The following DEPTOR variants were observed in gnomAD, a reference collection of about 807,000 sequenced individuals.
DEPTOR encodes the protein DEP domain containing MTOR interacting protein.
In DEPTOR, 41 loss-of-function variants were observed where a neutral mutation model predicts 41.6. That is an observed-to-expected ratio of 0.98 (90% confidence interval 0.77 to 1.28). The LOEUF (loss-of-function observed/expected upper bound fraction) is 1.28, where lower values mean the gene tolerates loss of function less well. DEPTOR is among the 50% of genes most tolerant of loss of function. DEPTOR has a pLI of 0.00. For synonymous variants in DEPTOR, 195 were observed against 192.3 expected, an observed-to-expected ratio of 1.01 and a Z score of -0.12; for missense variants, 514 against 527.9, an observed-to-expected ratio of 0.97 and a Z score of 0.26.
At chr8:120,029,165 G>T (rs1367826765) in intron 8 of DEPTOR, among the ~76,000 whole-genome samples, 1 of 151,836 alleles carries the variant, frequency 6.6e-6, no homozygotes, top group Non-Finnish European at 1.5e-5. Flanking sequence ...CACCTGGCCC[G>T]TCTAACTGCC....
chr8:119,982,749 A>G (rs1828783940), intron 4 of DEPTOR, among the ~76,000 whole-genome samples: 2 of 152,302 alleles, frequency 1.3e-5, no homozygotes, highest in Middle Eastern at 6.8e-3. Flanking sequence ...AGAACAGGGA[A>G]TGGCAAAGAG....
chr8:120,015,937 T>C (rs966805623), intron 8 of DEPTOR, among the ~76,000 whole-genome samples: 2 of 152,162 alleles, frequency 1.3e-5, no homozygotes, highest in African/African-American at 2.4e-5. Context: ...GGGGCGGCCA[T>C]GTTGCCAGGA....
At chr8:119,884,003 C>T (rs1354552911) in intron 1 of DEPTOR, among the ~76,000 whole-genome samples, 1 of 152,196 alleles carries the variant, frequency 6.6e-6, no homozygotes, top group Admixed American at 6.5e-5. Context: ...GTATAAGAAA[C>T]AAATGAACAT....
intron 3 of DEPTOR, among the ~76,000 whole-genome samples, chr8:119,958,603 A>C (rs1828448555): frequency 6.6e-6 from 1 of 151,988 alleles, no homozygotes; most frequent in Non-Finnish European, 1.5e-5. Context: ...ACAACACGGT[A>C]AAATCCCATC....
intron 8 of DEPTOR, among the ~76,000 whole-genome samples, chr8:120,044,545 G>T (rs1210986971): frequency 4.6e-5 from 7 of 152,194 alleles, no homozygotes; most frequent in Non-Finnish European, 1.0e-4. Context: ...GACAGAGTCT[G>T]ACTGGCCAAG....
At chr8:119,949,468 G>A (rs1828325554) in intron 3 of DEPTOR, among the ~76,000 whole-genome samples, 1 of 152,156 alleles carries the variant, frequency 6.6e-6, no homozygotes, top group Admixed American at 6.6e-5. Context: ...TGAAGTGCCT[G>A]CACCATTTCA....
intron 3 of DEPTOR, among the ~76,000 whole-genome samples, chr8:119,935,720 C>CAAA (rs1263437669): frequency 8.3e-4 from 93 of 111,752 alleles, no homozygotes; most frequent in African/African-American, 3.0e-3. Flanking sequence ...GACTCCATCT[C>CAAA]AAAAAAAAAA....
At chr8:119,918,366 T>C (rs1376681089) in intron 1 of DEPTOR, among the ~76,000 whole-genome samples, 1 of 152,202 alleles carries the variant, frequency 6.6e-6, no homozygotes, top group Non-Finnish European at 1.5e-5. Context: ...AAGGGCTCTG[T>C]ATAGGAGTTA....
rs11396127 is a variant in DEPTOR at position 120,025,986 on chromosome 8, A to ATT, written c.1101+16867_1101+16868dup. 2.2e-3 allele frequency among the ~76,000 whole-genome samples: 313 copies of ATT among 141,762 alleles called. 2 individuals are homozygous for ATT. Among genetic ancestry groups the ATT allele is most frequent in the Admixed American group, 2.7e-3 (37 of 13,846 alleles). The allele number at this position is 141,762 out of a possible 152,430, so 93.0% of individuals were successfully genotyped here. A position where few individuals can be genotyped will look rare whatever the true frequency, so the allele number is the denominator to read the frequency against. On this transcript the variant is annotated intron_variant, in intron 8 of 8. Transcript: ENST00000286234. ...GTAGCTTTCTCTCTTAGGACTTTTG[A>ATT]TTTTTTTTTTTTTTTCTGAGACCGA...
At chr8:119,921,086 C>A (rs1021411604) in intron 1 of DEPTOR, among the ~76,000 whole-genome samples, 12 of 152,088 alleles carry the variant, frequency 7.9e-5, no homozygotes, top group Non-Finnish European at 1.3e-4. Context: ...AAGGGATCCT[C>A]CCGCCTCAGC....
chr8:120,042,203 G>T (rs1476582231), intron 8 of DEPTOR, among the ~76,000 whole-genome samples: 3 of 151,996 alleles, frequency 2.0e-5, no homozygotes, highest in Admixed American at 1.3e-4. Flanking sequence ...TAAGGTGGCC[G>T]CCCGCCATTC....
intron 4 of DEPTOR, among the ~76,000 whole-genome samples, chr8:119,995,935 C>G (rs1441373749): frequency 6.6e-6 from 1 of 152,168 alleles, no homozygotes; most frequent in Non-Finnish European, 1.5e-5. Flanking sequence ...AAACTTTACT[C>G]ACACACAAAG....
At chr8:120,030,133 C>T (rs7835784) in intron 8 of DEPTOR, among the ~76,000 whole-genome samples, 23,443 of 151,984 alleles carry the variant, frequency 0.15, 2,760 homozygotes, top group African/African-American at 0.33. Flanking sequence ...ATGGGTGTCC[C>T]CTGCCTTGGC....
chr8:119,917,895 G>T (rs13278508), intron 1 of DEPTOR, among the ~76,000 whole-genome samples: 109,325 of 152,100 alleles, frequency 0.72, 39,726 homozygotes, highest in East Asian at 0.95. Flanking sequence ...GGTGGAACAT[G>T]CGGGCAGCAA....
intron 1 of DEPTOR, among the ~76,000 whole-genome samples, chr8:119,926,251 G>A (rs1302983426): frequency 1.3e-5 from 2 of 152,234 alleles, no homozygotes; most frequent in African/African-American, 2.4e-5. Flanking sequence ...ATGGGTTGAA[G>A]TATCTTCTGG....
chr8:119,874,252 C>T, intron 1 of DEPTOR: 1 of 425,310 alleles, frequency 2.4e-6, no homozygotes, highest in Admixed American at 4.9e-5. Context: ...GGCAAAGTCC[C>T]TGCCACCCAC....
intron 1 of DEPTOR, among the ~76,000 whole-genome samples, chr8:119,924,633 G>A (rs1481799961): frequency 6.6e-6 from 1 of 151,970 alleles, no homozygotes; most frequent in African/African-American, 2.4e-5. Flanking sequence ...AGTATTTTAA[G>A]GCTAATCTAC....
intron 4 of DEPTOR, among the ~76,000 whole-genome samples, chr8:119,974,296 G>A (rs938818146): frequency 1.4e-5 from 2 of 147,410 alleles, no homozygotes; most frequent in Non-Finnish European, 3.0e-5. Flanking sequence ...GAGGCTAAAG[G>A]CAAGATTACA....
chr8:119,998,708 T>C (rs1812304791), intron 4 of DEPTOR, among the ~76,000 whole-genome samples: 1 of 152,014 alleles, frequency 6.6e-6, no homozygotes, highest in African/African-American at 2.4e-5. Flanking sequence ...ATAAATGGTA[T>C]AGAATTGGAT....
Sources: gnomAD v4.1 joint callset for allele counts (sites outside exome capture counted in the v4.1 genomes callset) on GRCh38, gnomAD v4.1.1 for gene constraint, MANE v1.5 for transcripts, NCBI Gene and HGNC (gene_info 2026-07-23, HGNC 2026-07-21) for gene names.